The following LTBP1 variants were observed in gnomAD, a reference collection of about 807,000 sequenced individuals.
LTBP1 encodes latent transforming growth factor beta binding protein 1.
Under a neutral mutation model 207.6 loss-of-function variants are expected in LTBP1, and 129 were observed. The ratio of observed to expected loss-of-function variants is 0.62; its 90% CI spans 0.54 to 0.72. LTBP1 has a LOEUF of 0.72. Ranked by LOEUF, LTBP1 falls within the 30% of genes least tolerant of loss-of-function variation. The pLI, the probability that LTBP1 is intolerant of heterozygous loss-of-function variation, is 0.00. For missense variants in LTBP1, 2,281 were observed against 2,217.2 expected (o/e 1.03, Z -0.58); for synonymous variants, 963 against 833.7 (o/e 1.16, Z -2.67).
chr2:33,273,564 T>G (rs1225363181), intron 15 of LTBP1, 92 bp from the exon 16 acceptor site: 1 of 952,568 alleles, frequency 1.0e-6, no homozygotes, highest in Non-Finnish European at 1.5e-6. Context: ...ATTTGCTAGT[T>G]GGTCAGGAAA....
At chr2:33,113,795 C>T (rs1448126632) in intron 4 of LTBP1, among the ~76,000 whole-genome samples, 14 of 152,150 alleles carry the variant, frequency 9.2e-5, no homozygotes. Flanking sequence ...AATACTCCCA[C>T]ATTGTATAGA....
chr2:33,131,656 A>T (rs1285596600), intron 4 of LTBP1, among the ~76,000 whole-genome samples: 1 of 152,244 alleles, frequency 6.6e-6, no homozygotes, highest in South Asian at 2.1e-4. Context: ...TTAGAATACA[A>T]GTGTCTGTTT....
chr2:33,272,320 A>G (rs2093338520), intron 15 of LTBP1, among the ~76,000 whole-genome samples: 1 of 152,156 alleles, frequency 6.6e-6, no homozygotes, highest in Non-Finnish European at 1.5e-5. Flanking sequence ...CATTCAAACC[A>G]CAGACCTCTC....
intron 2 of LTBP1, among the ~76,000 whole-genome samples, chr2:32,979,899 C>G (rs79224318): frequency 1.3e-5 from 2 of 152,052 alleles, no homozygotes; most frequent in African/African-American, 2.4e-5. Flanking sequence ...TCGTTATATT[C>G]TCTTGCTTTA....
intron 3 of LTBP1, among the ~76,000 whole-genome samples, chr2:33,055,659 T>G (rs2076960314): frequency 6.6e-6 from 1 of 152,184 alleles, no homozygotes; most frequent in Non-Finnish European, 1.5e-5. Context: ...GCATGACATC[T>G]CTCCAAGTGA....
chr2:33,147,952 G>A lies in LTBP1; in HGVS notation c.1201+12992G>A, dbSNP rs12104905. Among the ~76,000 whole-genome samples the A allele has an allele frequency of 9.4e-3, 1,428 of 152,304 alleles. 23 individuals carry two copies. Among genetic ancestry groups the A allele is most frequent in the African/African-American group, 0.032 (1,328 of 41,566 alleles). ...CTTGGTTTCTGCAAGCACAGCCAGCGTCCCAGGAAGTGAAATAACAGATAC... is the reference window on the plus strand; with the variant it reads ...CTTGGTTTCTGCAAGCACAGCCAGCATCCCAGGAAGTGAAATAACAGATAC... On this transcript the variant is annotated intron_variant, in intron 5 of 33. Coordinates refer to ENST00000404816, the MANE Select transcript of LTBP1 (RefSeq NM_206943.4).
At chr2:32,989,090 G>T (rs961976553) in intron 2 of LTBP1, among the ~76,000 whole-genome samples, 1 of 152,100 alleles carries the variant, frequency 6.6e-6, no homozygotes, top group African/African-American at 2.4e-5. Context: ...ACAAAGCATT[G>T]GAACATTGCT....
At chr2:33,341,041 C>G (rs1339409874) in intron 24 of LTBP1, among the ~76,000 whole-genome samples, 4 of 151,882 alleles carry the variant, frequency 2.6e-5, no homozygotes, top group Non-Finnish European at 5.9e-5. Flanking sequence ...AAAGTACAAT[C>G]TTCACATATA....
chr2:33,389,128 TGGGGCAGGTGC>T (rs1440020006), intron 31 of LTBP1, 45 bp from the exon 32 acceptor site: 58 of 1,608,270 alleles, frequency 3.6e-5, no homozygotes, highest in Admixed American at 1.0e-4. Context: ...TGCGAGGGGG[TGGGGCAGGTGC>T]GAGCTAACAG....
intron 7 of LTBP1, among the ~76,000 whole-genome samples, chr2:33,198,783 C>T (rs1472079758): frequency 2.0e-5 from 3 of 152,122 alleles, no homozygotes; most frequent in East Asian, 1.9e-4. Flanking sequence ...TTTGATTCTC[C>T]TCTCTTTTCT....
chr2:32,959,549 A>G (rs192871426), intron 2 of LTBP1, among the ~76,000 whole-genome samples: 11,752 of 124,968 alleles, frequency 0.094, 674 homozygotes, highest in East Asian at 0.19. Flanking sequence ...CTGTATATAT[A>G]TGTGTGTGTG....
intron 7 of LTBP1, among the ~76,000 whole-genome samples, chr2:33,193,924 C>A (rs1478811721): frequency 6.6e-6 from 1 of 152,152 alleles, no homozygotes; most frequent in Non-Finnish European, 1.5e-5. Context: ...GATAATAACA[C>A]AATGGCCTTT....
At chr2:33,040,613 C>T (rs2076137925) in intron 3 of LTBP1, among the ~76,000 whole-genome samples, 1 of 152,196 alleles carries the variant, frequency 6.6e-6, no homozygotes, top group Admixed American at 6.5e-5. Flanking sequence ...TGTCTCTTCC[C>T]TCTTCCTGCT....
chr2:33,381,669 A>G (rs570766381), intron 31 of LTBP1, among the ~76,000 whole-genome samples: 3 of 152,320 alleles, frequency 2.0e-5, no homozygotes, highest in South Asian at 2.1e-4. Context: ...ATCAGCATTC[A>G]TGGTTATTAC....
intron 26 of LTBP1, among the ~76,000 whole-genome samples, chr2:33,352,292 C>T (rs148771300): frequency 5.9e-4 from 89 of 152,024 alleles, no homozygotes; most frequent in African/African-American, 1.8e-3. Flanking sequence ...CCACCACGCC[C>T]GGCTAATTTT....
chr2:33,058,408 T>A (rs1309038733), intron 3 of LTBP1, among the ~76,000 whole-genome samples: 1 of 152,226 alleles, frequency 6.6e-6, no homozygotes, highest in African/African-American at 2.4e-5. Context: ...AATGTTTAAG[T>A]GATTTGCCTA....
At chr2:33,239,381 C>A (rs1009013951) in intron 9 of LTBP1, among the ~76,000 whole-genome samples, 3 of 152,118 alleles carry the variant, frequency 2.0e-5, no homozygotes, top group Non-Finnish European at 4.4e-5. Context: ...GCCCCTTCAG[C>A]CATTTATTTT....
Position 33,364,355 on chromosome 2 carries a change from CG to C in LTBP1, c.4540+1del. On this transcript the variant is annotated frameshift_variant and splice_region_variant, in exon 30 of 34. Transcript: ENST00000404816. LOFTEE classifies it high-confidence loss of function. ...KRCIRPAESNEQIEETDVYQD... is the reference protein window; with the variant it reads ...KRCIRPAESNXQIEETDVYQD... ...GATGTATACGACCGGCTGAGTCAAA[CG>C]GTATGTTTCCAGGAGATGCAAACCT... 6.2e-7 allele frequency: 1 copy of C among 1,612,212 alleles called. No homozygotes were observed. Among genetic ancestry groups the C allele is most frequent in the Non-Finnish European group, 8.5e-7 (1 of 1,179,520 alleles).
chr2:32,970,546 T>A (rs1205992825), intron 2 of LTBP1, among the ~76,000 whole-genome samples: 5 of 152,202 alleles, frequency 3.3e-5, no homozygotes, highest in Non-Finnish European at 7.3e-5. Context: ...TTTTGTTGAC[T>A]TTGTTGAAGA....
Sources: allele counts gnomAD v4.1 joint callset (sites outside exome capture counted in the v4.1 genomes callset), GRCh38; gene constraint gnomAD v4.1.1; transcripts MANE v1.5; gene names NCBI Gene and HGNC (gene_info 2026-07-23, HGNC 2026-07-21).